Variants in FBLN2 observed in about 807,000 individuals in gnomAD.
FBLN2 encodes fibulin-2.
A neutral mutation model predicts 123.7 loss-of-function variants in FBLN2; 81 were observed. The observed-to-expected ratio is 0.65, with a 90% CI of 0.55 to 0.79. The LOEUF (loss-of-function observed/expected upper bound fraction) is 0.79, where lower values mean the gene tolerates loss of function less well. FBLN2 is among the 30% of genes least tolerant of loss of function. FBLN2 has a pLI of 0.00. For missense variants in FBLN2, 1,603 were observed against 1,681.3 expected (o/e 0.95, Z 0.81); for synonymous variants, 699 against 701.4 (o/e 1.00, Z 0.05).
At chr3:13,588,345 G>C (rs1372132708) in intron 2 of FBLN2, among the ~76,000 whole-genome samples, 5 of 152,208 alleles carry the variant, frequency 3.3e-5, no homozygotes, top group Admixed American at 3.3e-4. Context: ...ACACGATGAC[G>C]ACACCACCTA....
At chr3:13,603,759 G>A (rs1445878466) in intron 2 of FBLN2, among the ~76,000 whole-genome samples, 1 of 152,122 alleles carries the variant, frequency 6.6e-6, no homozygotes, top group Admixed American at 6.5e-5. Context: ...CCCAGTAATG[G>A]GATGGCTGGG....
In FBLN2 at chr3:13,610,897, AATTATTATTATT is replaced by A. The variant is rs112793079; in HGVS notation, c.1548+1274_1548+1285del. Among the ~76,000 whole-genome samples, 162 of 144,828 alleles carry A rather than the reference AATTATTATTATT, an allele frequency of 1.1e-3. 2 individuals are homozygous for A. In the South Asian group the frequency reaches 0.033, roughly 30 times the overall value. ...GGGGCAGGAGAGCCCCCTTGTTTTAAATTATTATTATTATTATTATTATTATTATTTTGAGAC... is the reference window on the plus strand; with the variant it reads ...GGGGCAGGAGAGCCCCCTTGTTTTAAATTATTATTATTATTATTTTGAGAC... On this transcript the variant is annotated intron_variant, in intron 4 of 17. Coordinates refer to ENST00000404922, the MANE Select transcript of FBLN2 (RefSeq NM_001004019.2).
At chr3:13,609,117 C>T (rs1169130803) in intron 3 of FBLN2, among the ~76,000 whole-genome samples, 1 of 152,202 alleles carries the variant, frequency 6.6e-6, no homozygotes, top group East Asian at 1.9e-4. Flanking sequence ...GATTTGTCAG[C>T]CACCTCTGCC....
In FBLN2 at chr3:13,618,181, C is replaced by T. The variant is rs367573949; in HGVS notation, c.1835C>T (p.Pro612Leu). The change falls in exon 6 of 18, where the codon CCG (proline) becomes CTG (leucine). Residue 612 changes from proline to leucine, a missense_variant. Transcript: ENST00000404922. Reference protein sequence around the residue: ...GDDQDECLLLPGELCQHLCIN... With the variant: ...GDDQDECLLLLGELCQHLCIN... ...GACCAGGATGAGTGCCTTCTCCTCC[C>T]GGGAGAGCTGTGCCAGCACCTTTGC... 5.6e-5 allele frequency: 90 copies of T among 1,613,682 alleles called. No individual in the cohort carries two copies. The highest frequency in any genetic ancestry group is 1.2e-4 in the South Asian group (11 of 91,094).
intron 17 of FBLN2, 111 bp downstream of exon 17, chr3:13,636,679 G>A: frequency 7.6e-7 from 1 of 1,311,602 alleles, no homozygotes; most frequent in Non-Finnish European, 1.0e-6. Context: ...TCTCGTCCCA[G>A]CCCCTGACTG....
intron 3 of FBLN2, 44 bp downstream of exon 3, chr3:13,608,217 T>A: frequency 7.0e-7 from 1 of 1,427,202 alleles, no homozygotes. Context: ...CCATTTGCCT[T>A]CTCCAGAACC....
chr3:13,586,495 G>GTTT (rs1245229846), intron 2 of FBLN2, among the ~76,000 whole-genome samples: 10 of 117,772 alleles, frequency 8.5e-5, no homozygotes, highest in African/African-American at 3.1e-4. Flanking sequence ...TGTCTTAGTT[G>GTTT]TTTTTTTTTT....
intron 1 of FBLN2, among the ~76,000 whole-genome samples, chr3:13,559,367 A>C (rs1367239877): frequency 8.8e-6 from 1 of 113,034 alleles, no homozygotes; most frequent in Non-Finnish European, 1.9e-5. Context: ...GCTTTTGTGT[A>C]TTTTATGAGC....
At position 13,566,425 on chromosome 3, in the gene FBLN2, C is replaced by T. The variant is rs535892905; in HGVS notation, c.-41-3890C>T. On this transcript the variant is annotated intron_variant, in intron 1 of 17. Transcript: ENST00000404922. ...GTCCCTGCCCTGGAGGGAGTGTTCT[C>T]CACTTGGAGCTGACATCTGCCATCT... The T allele has an allele frequency of 2.6e-5, 4 of 152,458 alleles. No individual in the cohort carries two copies. In the South Asian group the frequency reaches 8.3e-4, roughly 32 times the overall value. 9.4% of individuals were successfully genotyped at this position (152,458 alleles called of 1,614,324 possible). A position where few individuals can be genotyped will look rare whatever the true frequency, so the allele number is the denominator to read the frequency against.
intron 2 of FBLN2, among the ~76,000 whole-genome samples, chr3:13,592,027 T>A (rs941681663): frequency 3.3e-5 from 5 of 151,018 alleles, no homozygotes; most frequent in East Asian, 3.9e-4. Context: ...TCTTTTTTTT[T>A]TTTTTTTTTT....
At chr3:13,594,432 C>A (rs1193021384) in intron 2 of FBLN2, among the ~76,000 whole-genome samples, 1 of 152,158 alleles carries the variant, frequency 6.6e-6, no homozygotes, top group Non-Finnish European at 1.5e-5. Context: ...TGTGCTCAGA[C>A]CCTGTCTCTC....
chr3:13,599,795 G>A (rs1329278712), intron 2 of FBLN2, among the ~76,000 whole-genome samples: 7 of 151,808 alleles, frequency 4.6e-5, no homozygotes, highest in East Asian at 2.0e-4. Context: ...GGGAAAATCC[G>A]GAGCTGAGCA....
chr3:13,570,537 A>C lies in FBLN2; in HGVS notation c.182A>C (p.Gln61Pro). The C allele has an allele frequency of 6.3e-7, 1 of 1,593,476 alleles. No homozygotes were observed. The highest frequency in any genetic ancestry group is 8.5e-7 in the Non-Finnish European group (1 of 1,171,866). Residue 61 changes from glutamine to proline, a missense_variant, in exon 2 of 18, where the codon CAG (glutamine) becomes CCG (proline). Gln to Pro is a moderately conservative substitution (Grantham distance 76, BLOSUM62 -1). Coordinates refer to ENST00000404922, the MANE Select transcript of FBLN2 (RefSeq NM_001004019.2). ...GCCTGCTGTGCCACGTGTGTGCAGC[A>C]GGGCTGCGCCTGCGAGGGCTACCAG... ...PGACCATCVQ[Q>P]GCACEGYQYY...
At position 13,626,554 on chromosome 3, in the gene FBLN2, T is replaced by C; in HGVS notation, c.2406T>C (p.Tyr802=). ...AGGCACTCACCTGTGAGCCAGGCTA[T>C]GCCCTCAAGGATGGCGAGTGCGAAG... ...CYKALTCEPG[Y]ALKDGECEDV... is the part of the protein sequence containing the mutation. Residue 802 remains tyrosine, a synonymous_variant, in exon 10 of 18, where the codon TAT becomes TAC. Coordinates refer to ENST00000404922, the MANE Select transcript of FBLN2 (RefSeq NM_001004019.2). 2 of 1,551,882 alleles carry C rather than the reference T, an allele frequency of 1.3e-6. No homozygotes were observed. The highest frequency in any genetic ancestry group is 1.7e-6 in the Non-Finnish European group (2 of 1,147,234).
chr3:13,626,440 T>C lies in FBLN2; in HGVS notation c.2297-5T>C. 6.3e-7 allele frequency: 1 copy of C among 1,576,996 alleles called. No individual in the cohort carries two copies. Among genetic ancestry groups the C allele is most frequent in the Non-Finnish European group, 8.6e-7 (1 of 1,159,336 alleles). The stretch of plus-strand genomic sequence containing the variant: ...CAGCCTCTGATGGCCTCGCTCTCCC[T>C]GCAGACATCAACGAGTGTGTGACGG... On this transcript the variant is annotated splice_polypyrimidine_tract_variant and splice_region_variant and intron_variant, in intron 9 of 17. Transcript: ENST00000404922.
chr3:13,625,788 A>G (rs1706015747), intron 9 of FBLN2, among the ~76,000 whole-genome samples: 1 of 151,294 alleles, frequency 6.6e-6, no homozygotes, highest in South Asian at 2.1e-4. Context: ...CCTTGCTCCA[A>G]ATAAATAAGA....
Position 13,618,337 on chromosome 3 carries a change from AG to A in FBLN2, c.1939+57del, listed in dbSNP as rs1705708245. 4 of 1,577,278 alleles carry A rather than the reference AG, an allele frequency of 2.5e-6. No homozygotes were observed. In the African/African-American group the frequency reaches 4.0e-5, roughly 16 times the overall value. On this transcript the variant is annotated intron_variant, in intron 6 of 17. Transcript: ENST00000404922. ...GGCTATGGGAAGGGCTGATCTTGCC[AG>A]GGGGTGTGGCATTCCTGGGGTGCAC...
At chr3:13,550,981 A>G (rs1369297172) in intron 1 of FBLN2, among the ~76,000 whole-genome samples, 1 of 152,202 alleles carries the variant, frequency 6.6e-6, no homozygotes, top group Non-Finnish European at 1.5e-5. Flanking sequence ...TTGAAAAGTC[A>G]CAAGGTCTGG....
At chr3:13,621,256 G>A (rs867165565) in intron 8 of FBLN2, among the ~76,000 whole-genome samples, 1 of 152,270 alleles carries the variant, frequency 6.6e-6, no homozygotes, top group Admixed American at 6.5e-5. Context: ...AGTTCCAAAC[G>A]TGTTGAGCAC....
Sources: allele counts gnomAD v4.1 joint callset (sites outside exome capture counted in the v4.1 genomes callset), GRCh38; gene constraint gnomAD v4.1.1; transcripts MANE v1.5; gene names NCBI Gene and HGNC (gene_info 2026-07-23, HGNC 2026-07-21).